RSRC1: variants seen among roughly 807,000 people sequenced by gnomAD.
The protein encoded by RSRC1 is serine/Arginine-related protein 53.
RSRC1 carries 39 observed loss-of-function variants against 49.1 expected under a neutral mutation model. The ratio of observed to expected loss-of-function variants is 0.79; its 90% CI spans 0.61 to 1.04. The LOEUF is 1.04. Among genes scored for constraint, RSRC1 ranks in the 50% least tolerant of loss-of-function variants. RSRC1 has a pLI of 0.00. For synonymous variants in RSRC1, 143 were observed against 130.8 expected, an observed-to-expected ratio of 1.09 and a Z score of -0.63; for missense variants, 388 against 402.4, an observed-to-expected ratio of 0.96 and a Z score of 0.31.
At chr3:158,133,828 A>G (rs1339106209) in intron 3 of RSRC1, among the ~76,000 whole-genome samples, 1 of 152,222 alleles carries the variant, frequency 6.6e-6, no homozygotes, top group East Asian at 1.9e-4. Flanking sequence ...TTATGCAGAG[A>G]TGTCACAGTT....
chr3:158,224,394 C>T (rs192701076), intron 4 of RSRC1, among the ~76,000 whole-genome samples: 27 of 151,900 alleles, frequency 1.8e-4, no homozygotes, highest in African/African-American at 6.0e-4. Context: ...TGCTTCTCTG[C>T]TTTCATCTGT....
At chr3:158,226,313 T>C (rs758386668) in intron 4 of RSRC1, among the ~76,000 whole-genome samples, 2 of 151,952 alleles carry the variant, frequency 1.3e-5, no homozygotes, top group African/African-American at 2.4e-5. Context: ...CAACCTCTAT[T>C]AGCAGAACCT....
chr3:158,129,760 G>A (rs1257194473), intron 3 of RSRC1, among the ~76,000 whole-genome samples: 2 of 152,140 alleles, frequency 1.3e-5, no homozygotes, highest in African/African-American at 4.8e-5. Flanking sequence ...AAGTCTTAAA[G>A]TTAGGTGTTA....
chr3:158,200,522 C>G (rs1720982484), intron 3 of RSRC1, among the ~76,000 whole-genome samples: 1 of 152,090 alleles, frequency 6.6e-6, no homozygotes, highest in African/African-American at 2.4e-5. Flanking sequence ...TTAAGTCTAT[C>G]ATTTTATGAT....
intron 5 of RSRC1, among the ~76,000 whole-genome samples, chr3:158,299,611 C>T (rs1293288203): frequency 6.6e-6 from 1 of 152,166 alleles, no homozygotes; most frequent in Non-Finnish European, 1.5e-5. Flanking sequence ...GCTGGAATTA[C>T]AGGCGTGAGC....
chr3:158,321,475 T>C (rs1430589119), intron 5 of RSRC1, among the ~76,000 whole-genome samples: 3 of 152,184 alleles, frequency 2.0e-5, no homozygotes, highest in African/African-American at 2.4e-5. Flanking sequence ...TAATCACATA[T>C]GCAATCTACA....
At chr3:158,221,330 A>AT in intron 4 of RSRC1, among the ~76,000 whole-genome samples, 1 of 151,286 alleles carries the variant, frequency 6.6e-6, no homozygotes. Flanking sequence ...ATGGTGGTCT[A>AT]TTTTTCTAGC....
intron 4 of RSRC1, among the ~76,000 whole-genome samples, chr3:158,258,860 G>A (rs77441921): frequency 0.021 from 3,266 of 152,070 alleles, 123 homozygotes; most frequent in African/African-American, 0.075. Context: ...CAGTATGTCA[G>A]TTTCATTTTT....
At chr3:158,379,943 G>A (rs1732613696) in intron 6 of RSRC1, among the ~76,000 whole-genome samples, 1 of 151,324 alleles carries the variant, frequency 6.6e-6, no homozygotes, top group Non-Finnish European at 1.5e-5. Context: ...CCACTAGAAT[G>A]TAAGCTATAT....
At chr3:158,181,926 G>A (rs1719642186) in intron 3 of RSRC1, among the ~76,000 whole-genome samples, 1 of 152,114 alleles carries the variant, frequency 6.6e-6, no homozygotes, top group Admixed American at 6.5e-5. Flanking sequence ...AATATTATTA[G>A]TAAAAGAAAC....
chr3:158,402,770 A>C (rs1293632377), intron 6 of RSRC1, among the ~76,000 whole-genome samples: 1 of 151,910 alleles, frequency 6.6e-6, no homozygotes, highest in Non-Finnish European at 1.5e-5. Context: ...CTTCTATCAA[A>C]GGTACATGCT....
At chr3:158,248,340 T>C (rs1029431235) in intron 4 of RSRC1, among the ~76,000 whole-genome samples, 1 of 152,222 alleles carries the variant, frequency 6.6e-6, no homozygotes, top group African/African-American at 2.4e-5. Context: ...TATGATTTTG[T>C]GATTCATTCA....
Position 158,489,570 on chromosome 3 carries a change from ATTTAG to A in RSRC1, c.652+28572_652+28576del, listed in dbSNP as rs543497754. 4.1e-3 allele frequency among the ~76,000 whole-genome samples: 631 copies of A among 152,132 alleles called. 5 individuals carry two copies. The highest frequency in any genetic ancestry group is 0.015 in the African/African-American group (609 of 41,576). On this transcript the variant is annotated intron_variant, in intron 7 of 9. Coordinates refer to ENST00000611884, the MANE Select transcript of RSRC1 (RefSeq NM_001271838.2). ...TAGTTTATTTTTATATAATTTATATATTTAGTTTATTTTATGTAAAACAAACCAGT... is the reference window on the plus strand; with the variant it reads ...TAGTTTATTTTTATATAATTTATATATTTATTTTATGTAAAACAAACCAGT...
At chr3:158,381,342 G>C (rs1157325793) in intron 6 of RSRC1, among the ~76,000 whole-genome samples, 1 of 152,138 alleles carries the variant, frequency 6.6e-6, no homozygotes, top group African/African-American at 2.4e-5. Flanking sequence ...ACATGTATCT[G>C]CTTCAAATGC....
intron 4 of RSRC1, among the ~76,000 whole-genome samples, chr3:158,204,660 T>G (rs1721251896): frequency 2.0e-5 from 3 of 152,174 alleles, no homozygotes; most frequent in African/African-American, 4.8e-5. Context: ...CTGGAAAATA[T>G]GCTTAATGAA....
At chr3:158,190,879 A>T (rs1720204219) in intron 3 of RSRC1, among the ~76,000 whole-genome samples, 1 of 151,918 alleles carries the variant, frequency 6.6e-6, no homozygotes, top group Non-Finnish European at 1.5e-5. Flanking sequence ...ACCCTTCTTG[A>T]ATGACACTGT....
At chr3:158,483,108 T>A (rs1301083184) in intron 7 of RSRC1, among the ~76,000 whole-genome samples, 2 of 151,998 alleles carry the variant, frequency 1.3e-5, no homozygotes, top group Non-Finnish European at 2.9e-5. Flanking sequence ...AGGACACACA[T>A]AAAATCATTT....
intron 6 of RSRC1, among the ~76,000 whole-genome samples, chr3:158,455,287 A>G (rs920897939): frequency 1.3e-5 from 2 of 152,140 alleles, no homozygotes; most frequent in Non-Finnish European, 2.9e-5. Context: ...ATAGAAAACA[A>G]CTTTGGGATG....
chr3:158,160,064 T>C (rs1371642460), intron 3 of RSRC1, among the ~76,000 whole-genome samples: 2 of 152,152 alleles, frequency 1.3e-5, no homozygotes, highest in African/African-American at 4.8e-5. Flanking sequence ...TGATGGGGTC[T>C]CCATTTTGTT....
Sources: allele counts gnomAD v4.1 joint callset (sites outside exome capture counted in the v4.1 genomes callset), GRCh38; gene constraint gnomAD v4.1.1; transcripts MANE v1.5; gene names NCBI Gene and HGNC (gene_info 2026-07-23, HGNC 2026-07-21).